The following MYO7B variants were observed in gnomAD, a reference collection of about 807,000 sequenced individuals.
MYO7B encodes unconventional myosin-VIIb.
In MYO7B, 212 loss-of-function variants were observed where a neutral mutation model predicts 259.7. That is an observed-to-expected ratio of 0.82 (90% CI 0.73 to 0.91). The LOEUF (loss-of-function observed/expected upper bound fraction) is 0.91, where lower values mean the gene tolerates loss of function less well. Among genes scored for constraint, MYO7B ranks in the 40% least tolerant of loss-of-function variants. The pLI, the probability that MYO7B is intolerant of heterozygous loss-of-function variation, is 0.00. For missense variants in MYO7B, 2,732 were observed against 2,813.5 expected (o/e 0.97, Z 0.66); for synonymous variants, 1,197 against 1,166.4 (o/e 1.03, Z -0.54).
At chr2:127,594,873 G>T (rs1679703627) in intron 18 of MYO7B, among the ~76,000 whole-genome samples, 1 of 152,244 alleles carries the variant, frequency 6.6e-6, no homozygotes, top group South Asian at 2.1e-4. Context: ...TATTCAGTTT[G>T]CCAGTATTTT....
chr2:127,637,563 G>A lies in MYO7B; in HGVS notation c.*146G>A, dbSNP rs75591580. 0.051 allele frequency: 31,517 copies of A among 622,006 alleles called. 1,121 individuals carry two copies. The highest frequency in any genetic ancestry group is 0.11 in the East Asian group (3,986 of 35,268). 38.5% of individuals were successfully genotyped at this position (622,006 alleles called of 1,614,324 possible). On this transcript the variant is annotated 3_prime_UTR_variant, in exon 48 of 48. Coordinates refer to ENST00000409816, the MANE Select transcript of MYO7B (RefSeq NM_001393586.1). ...ACAAAGCCCACTCAGCCCCGCAGGC[G>A]GCCCCCTCTGTCCTGGGCGCTGCCC... is the stretch of plus-strand genomic sequence containing the variant.
At position 127,597,611 on chromosome 2, in the gene MYO7B, ATATTTATTTATT is replaced by A. The variant is rs36105119; in HGVS notation, c.2339+1085_2339+1096del. On this transcript the variant is annotated intron_variant, in intron 19 of 47. Transcript: ENST00000409816. The surrounding 1 kb of genome is among the most constrained non-coding windows in gnomAD (Gnocchi z 4.8). ...TTCATCCAGGTTATTGCTTGCATTA[ATATTTATTTATT>A]TATTTATTTATTTATTTATTTATTT... Among the ~76,000 whole-genome samples the A allele has an allele frequency of 6.1e-4, 89 of 145,890 alleles. 2 individuals are homozygous for A. Among genetic ancestry groups the A allele is most frequent in the Middle Eastern group, 3.5e-3 (1 of 288 alleles).
chr2:127,636,515 G>T lies in MYO7B; in HGVS notation c.6124-30G>T, dbSNP rs770800009. ...AGGTGCAGCCTGGCCTCCCGGGCTG[G>T]ACTATGACCGCCGTGTCCCTCCCTC... On this transcript the variant is annotated intron_variant, in intron 45 of 47. Coordinates refer to ENST00000409816, the MANE Select transcript of MYO7B (RefSeq NM_001393586.1). The surrounding 1 kb of genome is among the most constrained non-coding windows in gnomAD (Gnocchi z 4.5). 8.8e-6 allele frequency: 14 copies of T among 1,594,102 alleles called. No homozygotes were observed. In the South Asian group the frequency reaches 9.0e-5, roughly 10 times the overall value.
intron 6 of MYO7B, 125 bp from the exon 7 acceptor site, chr2:127,573,795 C>A (rs1678744741): frequency 1.6e-6 from 2 of 1,257,544 alleles, no homozygotes; most frequent in Admixed American, 2.3e-5. Context: ...CTGTCTGGTG[C>A]AGCCGTGCCC....
In MYO7B at chr2:127,579,019, C is replaced by T. The variant is rs565707294; in HGVS notation, c.1003+733C>T. Among the ~76,000 whole-genome samples the T allele has an allele frequency of 5.3e-5, 8 of 151,894 alleles. No individual in the cohort carries two copies. In the South Asian group the frequency reaches 1.7e-3, roughly 32 times the overall value. On this transcript the variant is annotated intron_variant, in intron 9 of 47. Coordinates refer to ENST00000409816, the MANE Select transcript of MYO7B (RefSeq NM_001393586.1). ...ATTCTAAAATTAAAAAAAAAAATAA[C>T]CAAAAGGAAGAACCCAATGGATGGT...
intron 31 of MYO7B, chr2:127,626,232 C>G (rs1030719485): frequency 6.6e-6 from 1 of 152,220 alleles, no homozygotes; most frequent in African/African-American, 2.4e-5. Context: ...CCGAGAGAGG[C>G]CCCCAGAGAC....
intron 6 of MYO7B, among the ~76,000 whole-genome samples, chr2:127,571,444 T>TTTTTTTTTGTTTTTTTTG (rs1395114823): frequency 5.2e-5 from 7 of 133,910 alleles, no homozygotes; most frequent in Admixed American, 1.5e-4. Context: ...ACCAGTGAGT[T>TTTTTTTTTGTTTTTTTTG]TTTTTTTTTT....
intron 19 of MYO7B, among the ~76,000 whole-genome samples, chr2:127,604,576 CT>C (rs1680093423): frequency 6.6e-6 from 1 of 152,214 alleles, no homozygotes; most frequent in Non-Finnish European, 1.5e-5. Context: ...AGAGACCTAG[CT>C]TTTGGCCTGT....
At position 127,627,939 on chromosome 2, in the gene MYO7B, C is replaced by T. The variant is rs1236184874; in HGVS notation, c.4461-433C>T. On this transcript the variant is annotated intron_variant, in intron 33 of 47. Transcript: ENST00000409816. This position sits in a 1 kb window ranked among gnomAD's most constrained non-coding sequence, Gnocchi z 5.6. Reference sequence around the variant, plus strand: ...CTGGCCACCTCTCACTGAGGCTGACCATGCTGGGCACTTTCCTGTATGCCA... The same window carrying T: ...CTGGCCACCTCTCACTGAGGCTGACTATGCTGGGCACTTTCCTGTATGCCA... The T allele has an allele frequency of 2.2e-6, 1 of 461,140 alleles. No individual in the cohort carries two copies. The highest frequency in any genetic ancestry group is 2.3e-5 in the Admixed American group (1 of 42,696). The allele number at this position is 461,140 out of a possible 1,614,324, so 28.6% of individuals were successfully genotyped here.
At position 127,627,560 on chromosome 2, in the gene MYO7B, G is replaced by C. The variant is rs1681208643; in HGVS notation, c.4460+250G>C. On this transcript the variant is annotated intron_variant, in intron 33 of 47. Coordinates refer to ENST00000409816, the MANE Select transcript of MYO7B (RefSeq NM_001393586.1). The surrounding 1 kb of genome is among the most constrained non-coding windows in gnomAD (Gnocchi z 5.6). Reference sequence around the variant, plus strand: ...CTGGCAGCTTCTCTTTGAAACCCAGGTCCACCCGGAAGGGGCAGGGAAGCG... The same window carrying C: ...CTGGCAGCTTCTCTTTGAAACCCAGCTCCACCCGGAAGGGGCAGGGAAGCG... The C allele has an allele frequency of 9.7e-6, 6 of 621,412 alleles. No homozygotes were observed. The highest frequency in any genetic ancestry group is 9.1e-5 in the South Asian group (6 of 66,110). 38.5% of individuals were successfully genotyped at this position (621,412 alleles called of 1,614,324 possible).
intron 39 of MYO7B, 69 bp downstream of exon 39, chr2:127,632,470 G>A (rs1289566829): frequency 1.3e-6 from 2 of 1,483,762 alleles, no homozygotes; most frequent in Non-Finnish European, 1.8e-6. Context: ...GTGGGGCCTG[G>A]CCAGCCTTCC....
rs1692907840 is a variant in MYO7B, at chr2:127,539,141, T to C, written c.-24+3310T>C. ...AGTATATGTATCTGTCAATTTCTCT[T>C]TCATCCCTTGCCTGCCTTATTCAAA... On this transcript the variant is annotated intron_variant, in intron 1 of 47. Coordinates refer to ENST00000409816, the MANE Select transcript of MYO7B (RefSeq NM_001393586.1). The surrounding 1 kb of genome is among the most constrained non-coding windows in gnomAD (Gnocchi z 4.0). Among the ~76,000 whole-genome samples, 1 of 152,190 alleles carries C rather than the reference T, an allele frequency of 6.6e-6. No individual in the cohort carries two copies. The highest frequency in any genetic ancestry group is 2.4e-5 in the African/African-American group (1 of 41,448).
At chr2:127,592,042 CAAG>C (rs1389070367) in intron 16 of MYO7B, among the ~76,000 whole-genome samples, 1 of 152,226 alleles carries the variant, frequency 6.6e-6, no homozygotes, top group East Asian at 1.9e-4. Context: ...CATGAAACTG[CAAG>C]TGCCTGCGGG....
At chr2:127,545,555 A>G (rs1052097696) in intron 1 of MYO7B, among the ~76,000 whole-genome samples, 2 of 152,258 alleles carry the variant, frequency 1.3e-5, no homozygotes, top group Non-Finnish European at 2.9e-5. Flanking sequence ...ACAGCCCGAC[A>G]GCATAGAACG....
chr2:127,595,420 C>T (rs866358211), intron 18 of MYO7B, among the ~76,000 whole-genome samples: 57 of 152,208 alleles, frequency 3.7e-4, no homozygotes, highest in African/African-American at 1.2e-3. Context: ...AAAAAATCAG[C>T]TCCTGGATTC....
At chr2:127,622,672 G>T (rs1293707480) in intron 28 of MYO7B, among the ~76,000 whole-genome samples, 2 of 152,246 alleles carry the variant, frequency 1.3e-5, no homozygotes, top group African/African-American at 4.8e-5. Flanking sequence ...GGAGCTGTGG[G>T]TCACTTCCGC....
chr2:127,565,172 T>G, intron 3 of MYO7B, 61 bp from the exon 4 acceptor site: 1 of 1,562,362 alleles, frequency 6.4e-7, no homozygotes, highest in East Asian at 2.3e-5. Context: ...GGGGAGGGTG[T>G]GGCAGGCTGG....
Position 127,585,915 on chromosome 2 carries a change from T to C in MYO7B, c.1690+1002T>C, listed in dbSNP as rs915024767. Among the ~76,000 whole-genome samples, 4 of 152,250 alleles carry C rather than the reference T, an allele frequency of 2.6e-5. No homozygotes were observed. The highest frequency in any genetic ancestry group is 2.0e-4 in the Admixed American group (3 of 15,286). The stretch of plus-strand genomic sequence containing the variant: ...TTAAATGCTCTGCCTGTGTTTTCAC[T>C]GGGTTGTCTTTTCATTGTCGAGTTG... On this transcript the variant is annotated intron_variant, in intron 14 of 47. Coordinates refer to ENST00000409816, the MANE Select transcript of MYO7B (RefSeq NM_001393586.1). The surrounding 1 kb of genome is among the most constrained non-coding windows in gnomAD (Gnocchi z 4.3).
At chr2:127,608,953 A>T (rs565721679) in intron 22 of MYO7B, 75 bp downstream of exon 22, 7 of 1,515,242 alleles carry the variant, frequency 4.6e-6, no homozygotes, top group Non-Finnish European at 5.3e-6. Flanking sequence ...AACTCAGTCC[A>T]CCTCTCGGCT....
Sources: allele counts gnomAD v4.1 joint callset (sites outside exome capture counted in the v4.1 genomes callset), GRCh38; gene constraint gnomAD v4.1.1; non-coding constraint Gnocchi (gnomAD v3.1); transcripts MANE v1.5; gene names NCBI Gene and HGNC (gene_info 2026-07-23, HGNC 2026-07-21).